Variants in PNO1 observed in about 807,000 individuals in gnomAD.
PNO1 encodes RNA-binding protein PNO1.
Under a neutral mutation model 28.4 loss-of-function variants are expected in PNO1, and 16 were observed. The ratio of observed to expected loss-of-function variants is 0.56; its 90% CI spans 0.38 to 0.85. The LOEUF is 0.85. PNO1 is among the 40% of genes least tolerant of loss of function. PNO1 has a pLI of 0.00. For synonymous variants in PNO1, 115 were observed against 110.8 expected (o/e 1.04, Z -0.24); for missense variants, 304 against 312.2 (o/e 0.97, Z 0.20).
At chr2:68,171,291 A>G (rs936948828) in intron 5 of PNO1, among the ~76,000 whole-genome samples, 2 of 152,108 alleles carry the variant, frequency 1.3e-5, no homozygotes, top group Admixed American at 1.3e-4. Context: ...TCTCTCCTGG[A>G]GATGTTCTGT....
intron 5 of PNO1, among the ~76,000 whole-genome samples, chr2:68,169,317 C>T (rs535306055): frequency 2.6e-5 from 4 of 152,194 alleles, no homozygotes; most frequent in South Asian, 2.1e-4. Context: ...GTGGGACCCA[C>T]GTTGGGTGGG....
At position 68,158,386 on chromosome 2, in the gene PNO1, A is replaced by G. The variant is rs373031015; in HGVS notation, c.214A>G (p.Lys72Glu). ...PLCGDGLLSG[K>E]EETRKIPVPA... ...TGTGTTCTTTTATTTACAGAGTGGG[A>G]AAGAAGAAACAAGGAAAATTCCAGT... The change falls in exon 2 of 7, where the codon AAA becomes GAA. Residue 72 changes from lysine to glutamate, a missense_variant. Physicochemically the swap from Lys to Glu is moderately conservative, Grantham distance 56. Coordinates refer to ENST00000263657, the MANE Select transcript of PNO1 (RefSeq NM_020143.4). 1.1e-5 allele frequency: 18 copies of G among 1,610,032 alleles called. No homozygotes were observed. The African/African-American group carries it at 2.3e-4, about 20-fold the overall frequency.
intron 4 of PNO1, 100 bp downstream of exon 4, chr2:68,162,425 TTA>T (rs576350152): frequency 0.022 from 18,859 of 845,338 alleles, no homozygotes; most frequent in South Asian, 0.025. Context: ...TTTTAGCAAC[TTA>T]TATATATATA....
intron 2 of PNO1, 55 bp downstream of exon 2, chr2:68,158,584 T>C (rs1393455255): frequency 1.4e-6 from 2 of 1,461,968 alleles, no homozygotes; most frequent in East Asian, 4.6e-5. Context: ...CCTACAGAGA[T>C]GAAAAGGCAT....
At chr2:68,158,659 T>A (rs1430546147) in intron 2 of PNO1, 130 bp downstream of exon 2, 1 of 762,716 alleles carries the variant, frequency 1.3e-6, no homozygotes, top group Non-Finnish European at 2.0e-6. Context: ...AAATTTACCA[T>A]ATTGAGTTTG....
intron 5 of PNO1, among the ~76,000 whole-genome samples, chr2:68,164,626 C>G (rs1405402533): frequency 6.6e-6 from 1 of 151,996 alleles, no homozygotes; most frequent in African/African-American, 2.4e-5. Context: ...ACATAGGGAT[C>G]TCCATCTCTA....
chr2:68,158,281 T>C, intron 1 of PNO1, 99 bp from the exon 2 acceptor site: 1 of 1,368,664 alleles, frequency 7.3e-7, no homozygotes, highest in Non-Finnish European at 1.0e-6. Context: ...GAAGTGTAAC[T>C]AGTTCAGTTA....
At chr2:68,166,499 CGAG>C (rs1331026801) in intron 5 of PNO1, among the ~76,000 whole-genome samples, 2 of 151,936 alleles carry the variant, frequency 1.3e-5, no homozygotes, top group African/African-American at 2.4e-5. Context: ...CTAAGGAAGA[CGAG>C]GAAGAGGGGT....
chr2:68,168,501 T>C (rs1252771994), intron 5 of PNO1, among the ~76,000 whole-genome samples: 1 of 152,166 alleles, frequency 6.6e-6, no homozygotes, highest in Non-Finnish European at 1.5e-5. Flanking sequence ...ATCTAGCTGT[T>C]GGTGAGCTGT....
At chr2:68,163,540 A>AATAAATAAATAC (rs1553401137) in intron 5 of PNO1, among the ~76,000 whole-genome samples, 2 of 136,072 alleles carry the variant, frequency 1.5e-5, no homozygotes, top group African/African-American at 5.3e-5. Context: ...CAAATAAATA[A>AATAAATAAATAC]ATACATACAT....
intron 5 of PNO1, 86 bp from the exon 6 acceptor site, chr2:68,173,261 C>A (rs1044879127): frequency 8.7e-6 from 7 of 807,678 alleles, no homozygotes; most frequent in Non-Finnish European, 1.5e-5. Context: ...AAATGATCTA[C>A]CTGCCTTGGC....
At chr2:68,158,811 G>A (rs1036080255) in intron 2 of PNO1, among the ~76,000 whole-genome samples, 2 of 152,200 alleles carry the variant, frequency 1.3e-5, no homozygotes. Flanking sequence ...AAAAGGTCGA[G>A]TAAAGAGATT....
intron 5 of PNO1, among the ~76,000 whole-genome samples, chr2:68,165,486 C>T (rs1285661952): frequency 7.1e-6 from 1 of 140,864 alleles, no homozygotes; most frequent in East Asian, 2.1e-4. Flanking sequence ...GCGGAGACTG[C>T]AGTGAGTCAA....
intron 5 of PNO1, among the ~76,000 whole-genome samples, chr2:68,163,413 C>T (rs1222399886): frequency 6.6e-6 from 1 of 152,106 alleles, no homozygotes; most frequent in Non-Finnish European, 1.5e-5. Context: ...CGCCTTTAGT[C>T]CCACCTACTC....
At position 68,158,115 on chromosome 2, in the gene PNO1, C is replaced by G. The variant is rs1340857181; in HGVS notation, c.181C>G (p.Pro61Ala). 1.9e-6 allele frequency: 3 copies of G among 1,607,646 alleles called. No individual in the cohort carries two copies. In the African/African-American group the frequency reaches 4.0e-5, roughly 21 times the overall value. The change falls in exon 1 of 7, where the codon CCA becomes GCA. Residue 61 changes from proline (P) to alanine (A), a missense_variant. Pro to Ala is a conservative substitution (Grantham distance 27, BLOSUM62 -1). Transcript: ENST00000263657. ...CAGGCCGGCGAAGAGGCCCGTCTTC[C>G]CACCCCTCTGTGGGGACGGGCTCCT... Reference protein sequence around the residue: ...EARPAKRPVFPPLCGDGLLSG... With the variant: ...EARPAKRPVFAPLCGDGLLSG...
chr2:68,168,647 T>G (rs984060906), intron 5 of PNO1, among the ~76,000 whole-genome samples: 4 of 152,222 alleles, frequency 2.6e-5, no homozygotes, highest in African/African-American at 7.2e-5. Flanking sequence ...CAGGTGGTCT[T>G]AGGTCTTGTT....
At chr2:68,159,964 ATTTTTT>A (rs1206527655) in intron 2 of PNO1, among the ~76,000 whole-genome samples, 1 of 116,938 alleles carries the variant, frequency 8.6e-6, no homozygotes, top group South Asian at 2.6e-4. Context: ...ACAAAAAAAA[ATTTTTT>A]TTTTTTTTTT....
At chr2:68,165,002 CA>C (rs1401323175) in intron 5 of PNO1, among the ~76,000 whole-genome samples, 2 of 141,704 alleles carry the variant, frequency 1.4e-5, no homozygotes, top group African/African-American at 5.7e-5. Flanking sequence ...ATTATAAAGT[CA>C]AAAAAAAATC....
chr2:68,168,022 T>C (rs1464402793), intron 5 of PNO1, among the ~76,000 whole-genome samples: 2 of 152,176 alleles, frequency 1.3e-5, no homozygotes, highest in African/African-American at 4.8e-5. Context: ...GAGAGGAAAC[T>C]TTATTTCTTA....
Sources: gnomAD v4.1 joint callset for allele counts (sites outside exome capture counted in the v4.1 genomes callset) on GRCh38, gnomAD v4.1.1 for gene constraint, MANE v1.5 for transcripts, NCBI Gene and HGNC (gene_info 2026-07-23, HGNC 2026-07-21) for gene names.